Variants in XKR4 observed in about 807,000 individuals in gnomAD.
XKR4 encodes the protein XK related 4.
Under a neutral mutation model 53.9 loss-of-function variants are expected in XKR4, and 12 were observed. The ratio of observed to expected loss-of-function variants is 0.22; its 90% CI spans 0.14 to 0.36. The LOEUF is 0.36. Among genes scored for constraint, XKR4 ranks in the 10% least tolerant of loss-of-function variants. XKR4 has a pLI of 1.00. For synonymous variants in XKR4, 354 were observed against 362.4 expected (o/e 0.98, Z 0.26); for missense variants, 799 against 859.5 (o/e 0.93, Z 0.88).
chr8:55,535,629 G>A lies in XKR4; in HGVS notation c.*11402G>A, dbSNP rs1807021422. On this transcript the variant is annotated 3_prime_UTR_variant, in exon 3 of 3. Transcript: ENST00000327381. The stretch of plus-strand genomic sequence containing the variant: ...GTTACTCTAGCAGGATTGGGTGTTG[G>A]GTCAGAGGGTATCTATTAATGTAGA... The A allele has an allele frequency of 6.6e-6, 1 of 152,114 alleles. No individual in the cohort carries two copies. Among genetic ancestry groups the A allele is most frequent in the African/African-American group, 2.4e-5 (1 of 41,406 alleles). 9.4% of individuals were successfully genotyped at this position (152,114 alleles called of 1,614,324 possible).
At chr8:55,396,136 C>T (rs1376555623) in intron 2 of XKR4, among the ~76,000 whole-genome samples, 6 of 152,180 alleles carry the variant, frequency 3.9e-5, no homozygotes, top group African/African-American at 4.8e-5. Context: ...CAAAAGGACA[C>T]ATTCAGTTCA....
chr8:55,299,028 T>C (rs1202299115), intron 1 of XKR4, among the ~76,000 whole-genome samples: 1 of 152,188 alleles, frequency 6.6e-6, no homozygotes, highest in Non-Finnish European at 1.5e-5. Context: ...GTCTGGCCCT[T>C]CCTTACAACA....
chr8:55,480,474 C>T (rs1806083445), intron 2 of XKR4, among the ~76,000 whole-genome samples: 1 of 152,128 alleles, frequency 6.6e-6, no homozygotes, highest in African/African-American at 2.4e-5. Context: ...TGGAAGCATT[C>T]CCTTTGAAAA....
intron 2 of XKR4, among the ~76,000 whole-genome samples, chr8:55,426,236 C>T (rs980883460): frequency 4.6e-5 from 7 of 152,202 alleles, no homozygotes; most frequent in African/African-American, 1.7e-4. Flanking sequence ...GTTTCTTTTG[C>T]TTTAGTGATG....
intron 1 of XKR4, among the ~76,000 whole-genome samples, chr8:55,218,067 G>A (rs1318213790): frequency 6.6e-6 from 1 of 152,162 alleles, no homozygotes; most frequent in Non-Finnish European, 1.5e-5. Flanking sequence ...TGGAGAAAGG[G>A]AACTGTGGGC....
At chr8:55,461,142 G>A (rs549420431) in intron 2 of XKR4, among the ~76,000 whole-genome samples, 15 of 152,344 alleles carry the variant, frequency 9.8e-5, no homozygotes, top group Admixed American at 8.5e-4. Context: ...CTCTCAGCAC[G>A]CAGCTTGAGA....
chr8:55,426,203 TTAGA>T lies in XKR4; in HGVS notation c.1006+68329_1006+68332del, dbSNP rs1805010780. 2.6e-5 allele frequency among the ~76,000 whole-genome samples: 4 copies of T among 152,218 alleles called. 1 individual carries two copies. The South Asian group carries it at 8.3e-4, about 31-fold the overall frequency. On this transcript the variant is annotated intron_variant, in intron 2 of 2. Coordinates refer to ENST00000327381, the MANE Select transcript of XKR4 (RefSeq NM_052898.2). ...TTGAAAAGAATTTAACTTTTCAAAC[TTAGA>T]TATGGACAATTGCACAGAGTTTCTT...
At chr8:55,148,941 A>G (rs1030793522) in intron 1 of XKR4, among the ~76,000 whole-genome samples, 5 of 152,230 alleles carry the variant, frequency 3.3e-5, no homozygotes, top group African/African-American at 1.2e-4. Context: ...AGACTTGAGG[A>G]TGAAAGTGTT....
intron 1 of XKR4, among the ~76,000 whole-genome samples, chr8:55,357,013 T>C (rs1014055971): frequency 2.0e-5 from 3 of 152,184 alleles, no homozygotes; most frequent in Admixed American, 1.3e-4. Context: ...ATATAGAAAA[T>C]ATGTGTTGAT....
intron 1 of XKR4, among the ~76,000 whole-genome samples, chr8:55,202,884 T>G (rs545247334): frequency 6.6e-6 from 1 of 151,048 alleles, no homozygotes; most frequent in South Asian, 2.1e-4. Context: ...CATTGCAAAG[T>G]CTGCAGAGCA....
intron 1 of XKR4, among the ~76,000 whole-genome samples, chr8:55,286,053 C>T (rs562065025): frequency 2.5e-4 from 38 of 152,304 alleles, no homozygotes; most frequent in Middle Eastern, 3.4e-3. Context: ...TGCACAGAAT[C>T]GGCTGTACCT....
chr8:55,299,075 T>C (rs1371739255), intron 1 of XKR4, among the ~76,000 whole-genome samples: 1 of 152,196 alleles, frequency 6.6e-6, no homozygotes, highest in Non-Finnish European at 1.5e-5. Context: ...CCCAGGACCA[T>C]GTGTTGCATT....
intron 1 of XKR4, among the ~76,000 whole-genome samples, chr8:55,291,018 G>A (rs376447929): frequency 1.5e-4 from 23 of 152,140 alleles, no homozygotes; most frequent in African/African-American, 5.3e-4. Flanking sequence ...GTTTTACTGG[G>A]ATCCATTGTA....
chr8:55,221,868 G>A (rs1440444808), intron 1 of XKR4, among the ~76,000 whole-genome samples: 2 of 152,206 alleles, frequency 1.3e-5, no homozygotes, highest in African/African-American at 2.4e-5. Context: ...ACCAACCCCA[G>A]CTGTCAGTTC....
At chr8:55,291,878 A>AT (rs1819026350) in intron 1 of XKR4, among the ~76,000 whole-genome samples, 1 of 152,222 alleles carries the variant, frequency 6.6e-6, no homozygotes, top group Admixed American at 6.5e-5. Context: ...TTTCTGAGGT[A>AT]TTTTTTAAAA....
intron 2 of XKR4, among the ~76,000 whole-genome samples, chr8:55,379,661 C>T (rs1394713743): frequency 6.6e-6 from 1 of 152,226 alleles, no homozygotes; most frequent in Non-Finnish European, 1.5e-5. Flanking sequence ...GCAGATAGAA[C>T]CAGGCTGCTG....
chr8:55,525,795 T>C lies in XKR4; in HGVS notation c.*1568T>C, dbSNP rs1009585026. The C allele has an allele frequency of 5.9e-5, 9 of 152,560 alleles. No individual in the cohort carries two copies. Among genetic ancestry groups the C allele is most frequent in the African/African-American group, 2.2e-4 (9 of 41,438 alleles). 9.5% of individuals were successfully genotyped at this position (152,560 alleles called of 1,614,324 possible). A position where few individuals can be genotyped will look rare whatever the true frequency, so the allele number is the denominator to read the frequency against. ...ACATTTTTTATAGACCTGGAATCGTTTAAAATACTTTAAGCATCATAATTA... is the reference window on the plus strand; with the variant it reads ...ACATTTTTTATAGACCTGGAATCGTCTAAAATACTTTAAGCATCATAATTA... On this transcript the variant is annotated 3_prime_UTR_variant, in exon 3 of 3. Coordinates refer to ENST00000327381, the MANE Select transcript of XKR4 (RefSeq NM_052898.2).
chr8:55,136,140 C>G (rs1231465886), intron 1 of XKR4, among the ~76,000 whole-genome samples: 3 of 152,190 alleles, frequency 2.0e-5, no homozygotes, highest in Non-Finnish European at 2.9e-5. Flanking sequence ...GATCCGCCCC[C>G]CTTCGCCTCC....
chr8:55,244,672 A>T (rs528616876), intron 1 of XKR4, among the ~76,000 whole-genome samples: 1 of 152,282 alleles, frequency 6.6e-6, no homozygotes, highest in African/African-American at 2.4e-5. Context: ...ACTAATGTAC[A>T]TTCCACCAGC....
Sources: gnomAD v4.1 joint callset for allele counts (sites outside exome capture counted in the v4.1 genomes callset) on GRCh38, gnomAD v4.1.1 for gene constraint, MANE v1.5 for transcripts, NCBI Gene and HGNC (gene_info 2026-07-23, HGNC 2026-07-21) for gene names.